RABGEF1: variants seen among roughly 807,000 people sequenced by gnomAD.
RABGEF1 encodes RAB guanine nucleotide exchange factor 1.
RABGEF1 carries 26 observed loss-of-function variants against 57.3 expected under a neutral mutation model. That is an observed-to-expected ratio of 0.45 (90% CI 0.33 to 0.63). RABGEF1 has a LOEUF of 0.63. Among genes scored for constraint, RABGEF1 ranks in the 20% least tolerant of loss-of-function variants. The probability of loss-of-function intolerance (pLI) is 0.02; values close to 1 mark genes in which losing one functional copy is unlikely to be tolerated. For missense variants in RABGEF1, 464 were observed against 607.6 expected (o/e 0.76, Z 2.48); for synonymous variants, 185 against 210.7 (o/e 0.88, Z 1.06).
chr7:66,677,839 G>C (rs879620953), upstream of RABGEF1, among the ~76,000 whole-genome samples: 2 of 151,730 alleles, frequency 1.3e-5, no homozygotes, highest in Non-Finnish European at 2.9e-5. Flanking sequence ...GCTGAAGCTG[G>C]TGGATTGTTT....
chr7:66,773,095 T>C (rs1807601614), intron 2 of RABGEF1, among the ~76,000 whole-genome samples: 2 of 148,692 alleles, frequency 1.3e-5, no homozygotes, highest in South Asian at 2.2e-4. Context: ...TTTTTTTTTT[T>C]CATCCAGTCA....
rs566293461 is a variant in RABGEF1 at position 66,803,355 on chromosome 7, G to T, written c.821-1785G>T. Among the ~76,000 whole-genome samples, 12 of 152,290 alleles carry T rather than the reference G, an allele frequency of 7.9e-5. No homozygotes were observed. In the East Asian group the frequency reaches 2.1e-3, roughly 27 times the overall value. ...ACCCTTTGGTATACCCCACCGCCTGGCCAGAGTCTGAAACGTTTATTCCTG... is the reference window on the plus strand; with the variant it reads ...ACCCTTTGGTATACCCCACCGCCTGTCCAGAGTCTGAAACGTTTATTCCTG... On this transcript the variant is annotated intron_variant, in intron 7 of 8. Coordinates refer to ENST00000284957, the MANE Select transcript of RABGEF1 (RefSeq NM_014504.3).
chr7:66,698,108 C>G (rs78950023), intron 1 of RABGEF1, among the ~76,000 whole-genome samples: 5,960 of 151,996 alleles, frequency 0.039, 167 homozygotes, highest in East Asian at 0.083. Flanking sequence ...CGCACCCCCC[C>G]CACCCTCAGA....
chr7:66,716,102 T>A (rs1349514968), intron 2 of RABGEF1, among the ~76,000 whole-genome samples: 1 of 152,220 alleles, frequency 6.6e-6, no homozygotes, highest in African/African-American at 2.4e-5. Flanking sequence ...CTGTATATAT[T>A]TGAGGTCTGT....
At chr7:66,800,946 T>C (rs1213182897) in intron 7 of RABGEF1, among the ~76,000 whole-genome samples, 1 of 152,220 alleles carries the variant, frequency 6.6e-6, no homozygotes, top group Non-Finnish European at 1.5e-5. Context: ...TAGGAGAGGC[T>C]GCCCGTTAAG....
the RABGEF1 span, among the ~76,000 whole-genome samples, chr7:66,660,371 A>T: frequency 2.0e-5 from 3 of 151,802 alleles, no homozygotes; most frequent in African/African-American, 7.3e-5. Context: ...AGAAAGAAAA[A>T]AGAAAATGAG....
At chr7:66,737,087 C>CGAGAGCGAGAGAGAGAGAGAGAGAGA (rs1798066923), upstream of RABGEF1, among the ~76,000 whole-genome samples, 2 of 93,952 alleles carry the variant, frequency 2.1e-5, no homozygotes, top group African/African-American at 7.4e-5. Context: ...AGAGAGAGAG[C>CGAGAGCGAGAGAGAGAGAGAGAGAGA]GAGAGCGAGA....
At chr7:66,787,304 G>A (rs1811410678) in intron 4 of RABGEF1, among the ~76,000 whole-genome samples, 1 of 149,642 alleles carries the variant, frequency 6.7e-6, no homozygotes, top group African/African-American at 2.5e-5. Context: ...AAAATCTTGG[G>A]GTTACAGAAG....
At chr7:66,723,392 C>A (rs921364895) in intron 2 of RABGEF1, among the ~76,000 whole-genome samples, 2 of 152,164 alleles carry the variant, frequency 1.3e-5, no homozygotes, top group Non-Finnish European at 2.9e-5. Context: ...GAATCTTTAA[C>A]TTTTCACAAT....
At chr7:66,777,452 A>G (rs977762082) in intron 3 of RABGEF1, among the ~76,000 whole-genome samples, 9 of 151,472 alleles carry the variant, frequency 5.9e-5, no homozygotes, top group Non-Finnish European at 1.3e-4. Context: ...AATATATATC[A>G]TAAATAATAT....
At chr7:66,677,434 A>T (rs1789352552), upstream of RABGEF1, among the ~76,000 whole-genome samples, 1 of 152,028 alleles carries the variant, frequency 6.6e-6, no homozygotes, top group Non-Finnish European at 1.5e-5. Flanking sequence ...CAGAAACAAG[A>T]CAAGTACCAA....
At chr7:66,747,318 A>G (rs1800490760) in intron 1 of RABGEF1, among the ~76,000 whole-genome samples, 2 of 152,224 alleles carry the variant, frequency 1.3e-5, no homozygotes, top group Admixed American at 6.5e-5. Context: ...TCTCTGAAGC[A>G]GGAATGTAAC....
At chr7:66,762,417 C>T (rs1336880175) in intron 1 of RABGEF1, among the ~76,000 whole-genome samples, 2 of 151,908 alleles carry the variant, frequency 1.3e-5, no homozygotes, top group East Asian at 3.9e-4. Context: ...ATGGCGAAAC[C>T]CTGTCTCTAC....
chr7:66,661,840 T>A, the RABGEF1 span, among the ~76,000 whole-genome samples: 18 of 152,296 alleles, frequency 1.2e-4, no homozygotes, highest in Non-Finnish European at 2.9e-5. Flanking sequence ...CAATATTACT[T>A]ATGAACATTG....
chr7:66,666,741 T>C, the RABGEF1 span, among the ~76,000 whole-genome samples: 54 of 152,310 alleles, frequency 3.5e-4, no homozygotes, highest in African/African-American at 1.2e-3. Context: ...CCCAGGTTAG[T>C]GTCCAGCTGG....
chr7:66,724,574 G>T (rs889702033), intron 2 of RABGEF1, among the ~76,000 whole-genome samples: 1 of 152,080 alleles, frequency 6.6e-6, no homozygotes, highest in African/African-American at 2.4e-5. Flanking sequence ...TGGTCAGGCT[G>T]GTCTTGATCT....
At chr7:66,741,585 C>T (rs1798958968) in intron 1 of RABGEF1, among the ~76,000 whole-genome samples, 1 of 152,156 alleles carries the variant, frequency 6.6e-6, no homozygotes, top group African/African-American at 2.4e-5. Flanking sequence ...CTCGTTTTGC[C>T]TTTGAGATTA....
intron 1 of RABGEF1, among the ~76,000 whole-genome samples, chr7:66,711,019 G>A (rs1489998653): frequency 6.6e-6 from 1 of 152,068 alleles, no homozygotes; most frequent in African/African-American, 2.4e-5. Context: ...ACTTAGCCAG[G>A]TATGATGGCG....
intron 1 of RABGEF1, among the ~76,000 whole-genome samples, chr7:66,746,027 T>TAG (rs1196002358): frequency 2.0e-5 from 3 of 152,200 alleles, no homozygotes; most frequent in African/African-American, 7.2e-5. Flanking sequence ...ACTTCTTTCA[T>TAG]AGAGCACTGT....
Sources: gnomAD v4.1 joint callset for allele counts (sites outside exome capture counted in the v4.1 genomes callset) on GRCh38, gnomAD v4.1.1 for gene constraint, MANE v1.5 for transcripts, NCBI Gene and HGNC (gene_info 2026-07-23, HGNC 2026-07-21) for gene names.